The following DPP10 variants were observed in gnomAD, a reference collection of about 807,000 sequenced individuals.
DPP10 encodes inactive dipeptidyl peptidase 10.
A neutral mutation model predicts 120.9 loss-of-function variants in DPP10; 33 were observed. The ratio of observed to expected loss-of-function variants is 0.27; its 90% CI spans 0.21 to 0.37. The LOEUF is 0.37. Among genes scored for constraint, DPP10 ranks in the 10% least tolerant of loss-of-function variants. The pLI is 1.00. For missense variants in DPP10, 816 were observed against 942.8 expected (o/e 0.87, Z 1.76); for synonymous variants, 337 against 326.1 (o/e 1.03, Z -0.36).
chr2:114,552,748 G>A (rs1267357965), intron 1 of DPP10, among the ~76,000 whole-genome samples: 2 of 152,076 alleles, frequency 1.3e-5, no homozygotes, highest in Non-Finnish European at 2.9e-5. Context: ...GTTTCACCAT[G>A]TTGGCCAGGA....
At chr2:115,399,218 A>G (rs1006770078) in intron 3 of DPP10, among the ~76,000 whole-genome samples, 1 of 152,144 alleles carries the variant, frequency 6.6e-6, no homozygotes, top group Non-Finnish European at 1.5e-5. Context: ...TATTTTAACT[A>G]TGTTGCAGAT....
At position 115,453,342 on chromosome 2, in the gene DPP10, A is replaced by G. The variant is rs909546706; in HGVS notation, c.272-46168A>G. ...TTCTTGCCTTATTTTCAATTATTCT[A>G]TAAATTAGAAAATTTTTTTTCTTAG... On this transcript the variant is annotated intron_variant, in intron 3 of 25. Transcript: ENST00000410059. 5.3e-5 allele frequency among the ~76,000 whole-genome samples: 8 copies of G among 151,564 alleles called. No homozygotes were observed. In the East Asian group the frequency reaches 1.4e-3, roughly 26 times the overall value.
intron 1 of DPP10, among the ~76,000 whole-genome samples, chr2:114,625,331 A>G (rs1384840110): frequency 6.6e-6 from 1 of 151,952 alleles, no homozygotes; most frequent in East Asian, 1.9e-4. Context: ...TTAGATCTAG[A>G]GGTAGGATCA....
intron 5 of DPP10, among the ~76,000 whole-genome samples, chr2:115,667,717 A>G (rs1017906689): frequency 2.6e-5 from 4 of 152,068 alleles, no homozygotes; most frequent in African/African-American, 9.7e-5. Flanking sequence ...TACCAGTCCC[A>G]TGCCATTTTG....
At chr2:115,253,438 C>T (rs928855607) in intron 1 of DPP10, among the ~76,000 whole-genome samples, 2 of 152,170 alleles carry the variant, frequency 1.3e-5, no homozygotes, top group Admixed American at 6.5e-5. Context: ...CCAGCATTAA[C>T]TCAAAAGTCC....
chr2:115,256,934 A>G (rs1021819955), intron 1 of DPP10, among the ~76,000 whole-genome samples: 1 of 152,210 alleles, frequency 6.6e-6, no homozygotes, highest in African/African-American at 2.4e-5. Flanking sequence ...ACTCTAAATT[A>G]TGACTCTGAA....
intron 8 of DPP10, among the ~76,000 whole-genome samples, chr2:115,733,439 A>G (rs1165942840): frequency 6.6e-6 from 1 of 152,174 alleles, no homozygotes; most frequent in Non-Finnish European, 1.5e-5. Context: ...GGATTTGCTC[A>G]TAGATCATCG....
At chr2:114,445,835 C>T (rs983294440) in intron 1 of DPP10, among the ~76,000 whole-genome samples, 12 of 151,986 alleles carry the variant, frequency 7.9e-5, no homozygotes, top group African/African-American at 2.9e-4. Flanking sequence ...ATGTTCCTAT[C>T]GTCAAAACCA....
chr2:114,465,640 T>C (rs1679302330), intron 1 of DPP10, among the ~76,000 whole-genome samples: 1 of 152,050 alleles, frequency 6.6e-6, no homozygotes, highest in Non-Finnish European at 1.5e-5. Flanking sequence ...CTTACTCTGA[T>C]TGAATATAAA....
chr2:115,254,112 A>C (rs1170405585), intron 1 of DPP10, among the ~76,000 whole-genome samples: 1 of 152,172 alleles, frequency 6.6e-6, no homozygotes, highest in African/African-American at 2.4e-5. Context: ...TCATGCTTCT[A>C]ATAAAGACAT....
chr2:115,673,437 T>A (rs2090056160), intron 5 of DPP10, among the ~76,000 whole-genome samples: 1 of 152,194 alleles, frequency 6.6e-6, no homozygotes. Flanking sequence ...TAATATTGAA[T>A]GCAATTGCTA....
chr2:114,565,546 A>G (rs1405493448), intron 1 of DPP10, among the ~76,000 whole-genome samples: 1 of 152,248 alleles, frequency 6.6e-6, no homozygotes, highest in Non-Finnish European at 1.5e-5. Context: ...TCTCCTCTGT[A>G]CTTCGCAGAT....
intron 4 of DPP10, among the ~76,000 whole-genome samples, chr2:115,514,984 A>C (rs944269782): frequency 2.6e-5 from 4 of 151,904 alleles, no homozygotes; most frequent in Non-Finnish European, 5.9e-5. Flanking sequence ...GTGTATATGT[A>C]AGTGTATACG....
intron 1 of DPP10, among the ~76,000 whole-genome samples, chr2:114,941,848 A>T (rs1197081543): frequency 6.6e-6 from 1 of 152,152 alleles, no homozygotes; most frequent in East Asian, 1.9e-4. Context: ...GGTGCTGAGA[A>T]ACATGAGGAC....
intron 1 of DPP10, among the ~76,000 whole-genome samples, chr2:114,718,400 GAAAAAAAAAAAAA>G (rs71297184): frequency 2.5e-5 from 2 of 81,192 alleles, no homozygotes; most frequent in East Asian, 4.2e-4. Context: ...GACTCTGTTT[GAAAAAAAAAAAAA>G]AAAAAAAAAA....
At chr2:115,584,615 A>G (rs1330852842) in intron 5 of DPP10, among the ~76,000 whole-genome samples, 1 of 152,150 alleles carries the variant, frequency 6.6e-6, no homozygotes, top group African/African-American at 2.4e-5. Context: ...TTCCAATGCA[A>G]TATTATGTGC....
At chr2:115,011,601 AT>A (rs201439926) in intron 1 of DPP10, among the ~76,000 whole-genome samples, 61 of 151,358 alleles carry the variant, frequency 4.0e-4, no homozygotes, top group South Asian at 4.2e-4. Context: ...CATAGTTTGT[AT>A]TTTTTTTTAT....
chr2:115,201,314 T>A (rs1037854392), intron 1 of DPP10, among the ~76,000 whole-genome samples: 1 of 151,790 alleles, frequency 6.6e-6, no homozygotes, highest in African/African-American at 2.4e-5. Context: ...AATACAAAAA[T>A]TAGCCGAATG....
intron 1 of DPP10, among the ~76,000 whole-genome samples, chr2:114,762,032 A>G (rs992373051): frequency 8.5e-5 from 13 of 152,056 alleles, no homozygotes; most frequent in Non-Finnish European, 1.8e-4. Flanking sequence ...TCATTTGAAG[A>G]TTCACTCTCC....
Sources: gnomAD v4.1 joint callset for allele counts (sites outside exome capture counted in the v4.1 genomes callset) on GRCh38, gnomAD v4.1.1 for gene constraint, MANE v1.5 for transcripts, NCBI Gene and HGNC (gene_info 2026-07-23, HGNC 2026-07-21) for gene names.